The following DNAH3 variants were observed in gnomAD, a reference collection of about 807,000 sequenced individuals.
The protein encoded by DNAH3 is dynein axonemal heavy chain 3.
Under a neutral mutation model 432.5 loss-of-function variants are expected in DNAH3, and 332 were observed. That is an observed-to-expected ratio of 0.77 (90% confidence interval 0.70 to 0.84). The LOEUF (loss-of-function observed/expected upper bound fraction) is 0.84, where lower values mean the gene tolerates loss of function less well. DNAH3 is among the 40% of genes least tolerant of loss of function. The probability of loss-of-function intolerance (pLI) is 0.00; values close to 1 mark genes in which losing one functional copy is unlikely to be tolerated. For missense variants in DNAH3, 4,861 were observed against 5,114.0 expected (o/e 0.95, Z 1.51); for synonymous variants, 1,956 against 1,900.2 (o/e 1.03, Z -0.76).
intron 18 of DNAH3, among the ~76,000 whole-genome samples, chr16:21,088,027 C>A (rs991993534): frequency 6.6e-6 from 1 of 152,094 alleles, no homozygotes; most frequent in Non-Finnish European, 1.5e-5. Flanking sequence ...CCAGCCAAGA[C>A]CTTTCCATGC....
chr16:21,107,065 G>C (rs1267762892), intron 14 of DNAH3, among the ~76,000 whole-genome samples: 1 of 151,300 alleles, frequency 6.6e-6, no homozygotes, highest in African/African-American at 2.4e-5. Flanking sequence ...ATGGTATGTG[G>C]GTGTCAGAGC....
chr16:21,060,226 A>C (rs762551381), intron 26 of DNAH3, 38 bp downstream of exon 26: 1 of 1,507,728 alleles, frequency 6.6e-7, no homozygotes, highest in East Asian at 2.3e-5. Flanking sequence ...TCTTTAGTGC[A>C]CTAGTGTCCT....
chr16:20,982,475 G>C (rs565508015), intron 49 of DNAH3, among the ~76,000 whole-genome samples: 1 of 152,260 alleles, frequency 6.6e-6, no homozygotes, highest in African/African-American at 2.4e-5. Flanking sequence ...TACTGAAATA[G>C]CTATATCATT....
chr16:21,117,854 G>A (rs774522613), intron 11 of DNAH3, among the ~76,000 whole-genome samples: 2 of 152,224 alleles, frequency 1.3e-5, no homozygotes, highest in South Asian at 2.1e-4. Flanking sequence ...GAATACTATC[G>A]TAGTGCTCCC....
At chr16:21,095,921 T>C (rs1293048130) in intron 18 of DNAH3, among the ~76,000 whole-genome samples, 2 of 152,072 alleles carry the variant, frequency 1.3e-5, no homozygotes, top group African/African-American at 4.8e-5. Flanking sequence ...CACACCACCA[T>C]GCCCAGCTAA....
intron 61 of DNAH3, among the ~76,000 whole-genome samples, chr16:20,933,731 G>A (rs1405791305): frequency 6.6e-6 from 1 of 152,222 alleles, no homozygotes; most frequent in African/African-American, 2.4e-5. Flanking sequence ...GTGGGCTAGA[G>A]AATGCACTCA....
At chr16:20,944,606 G>A in exon 58 of DNAH3, 1 of 1,614,128 alleles carries the variant, frequency 6.2e-7, no homozygotes, top group African/African-American at 1.3e-5. Flanking sequence ...TTCTCATGGA[G>A]GCCGAACACT....
intron 21 of DNAH3, among the ~76,000 whole-genome samples, chr16:21,072,680 C>CT (rs2090833360): frequency 6.6e-6 from 1 of 151,942 alleles, no homozygotes; most frequent in Non-Finnish European, 1.5e-5. Context: ...GGGTCTCACT[C>CT]TGTCACCCAG....
At chr16:20,959,088 G>T (rs1028118027) in intron 54 of DNAH3, 91 bp downstream of exon 54, 2 of 1,354,564 alleles carry the variant, frequency 1.5e-6, no homozygotes, top group African/African-American at 1.4e-5. Context: ...GTTTCTAAGG[G>T]GCAGGACTGT....
At chr16:21,058,103 C>T in exon 27 of DNAH3, 1 of 1,609,530 alleles carries the variant, frequency 6.2e-7, no homozygotes, top group Non-Finnish European at 8.5e-7. Flanking sequence ...GTATTTTCCG[C>T]CAGGGCTTGG....
chr16:20,935,630 C>T lies in DNAH3; in HGVS notation c.11860-145G>A, dbSNP rs141953338. 2.4e-3 allele frequency: 2,179 copies of T among 892,134 alleles called. 32 individuals are homozygous for T. In the African/African-American group the frequency reaches 0.029, roughly 12 times the overall value. 55.3% of individuals were successfully genotyped at this position (892,134 alleles called of 1,614,324 possible). A position where few individuals can be genotyped will look rare whatever the true frequency, so the allele number is the denominator to read the frequency against. ...TCTTGGTTTAGCTTCTATCTTCCCA[C>T]TTTTGAAATAAGGGTACAAAGAAAT... On this transcript the variant is annotated intron_variant, in intron 60 of 61. Coordinates refer to ENST00000261383, the Ensembl canonical transcript of DNAH3.
chr16:21,136,587 G>A, intron 5 of DNAH3, 74 bp from the exon 7 acceptor site: 1 of 1,371,802 alleles, frequency 7.3e-7, no homozygotes, highest in Admixed American at 1.7e-5. Context: ...CCCATCAGCT[G>A]CCAAGGGACC....
At chr16:21,136,118 G>A (rs952133894) in intron 6 of DNAH3, among the ~76,000 whole-genome samples, 1 of 151,864 alleles carries the variant, frequency 6.6e-6, no homozygotes, top group Admixed American at 6.6e-5. Context: ...TGAGAAGAAA[G>A]AAGATGCCTT....
rs752427246 is a variant in DNAH3 at position 20,965,155 on chromosome 16, T to C, written c.8729A>G (p.Glu2910Gly). 34 of 1,613,940 alleles carry C rather than the reference T, an allele frequency of 2.1e-5. No homozygotes were observed. In the South Asian group the frequency reaches 3.4e-4, roughly 16 times the overall value. Residue 2910 changes from glutamate (E) to glycine (G), a missense_variant, in exon 53 of 62, where the codon GAG becomes GGG. By Grantham distance (98) the Glu-to-Gly change is moderately conservative. Transcript: ENST00000261383. ...CTGTGCAGCCAGCTTCCCCTCTGCC[T>C]CCCTCAGTCGCTCCCGTTTGGGAGC...
At chr16:21,150,238 T>TA (rs397692995) in intron 1 of DNAH3, 52 bp downstream of exon 2, 93,868 of 378,998 alleles carry the variant, frequency 0.25, 6,498 homozygotes, top group East Asian at 0.29. Context: ...AAATAAAAAA[T>TA]AAAAAAAAAA....
Position 21,020,348 on chromosome 16 carries a change from GTATA to G in DNAH3, c.5777-483_5777-480del, listed in dbSNP as rs58198093. On this transcript the variant is annotated intron_variant, in intron 40 of 61. Transcript: ENST00000261383. The stretch of plus-strand genomic sequence containing the variant: ...ACTGCTGTATAATAATATAGTGTGT[GTATA>G]TATATATATATATATAAAATCACTA... Among the ~76,000 whole-genome samples, 144 of 69,148 alleles carry G rather than the reference GTATA, an allele frequency of 2.1e-3. 5 individuals are homozygous for G. Among genetic ancestry groups the G allele is most frequent in the African/African-American group, 8.4e-3 (131 of 15,648 alleles). The allele number at this position is 69,148 out of a possible 152,430, so 45.4% of individuals were successfully genotyped here.
At chr16:21,034,253 A>G (rs1323266317) in intron 35 of DNAH3, among the ~76,000 whole-genome samples, 168 bp from the exon 36 acceptor site, 2 of 152,192 alleles carry the variant, frequency 1.3e-5, no homozygotes, top group African/African-American at 2.4e-5. Context: ...CATATCTTTC[A>G]GACGAAAAAA....
At position 21,051,793 on chromosome 16, in the gene DNAH3, C is replaced by T. The variant is rs181301553; in HGVS notation, c.4115G>A (p.Arg1372His). The change falls in exon 29 of 62, where the codon CGC (arginine) becomes CAC (histidine). Residue 1372 changes from arginine to histidine, a missense_variant. Physicochemically the swap from Arg to His is conservative, Grantham distance 29. Transcript: ENST00000261383. The stretch of plus-strand genomic sequence containing the variant: ...CACATCCTTGGCCACCCAGTAGTAG[C>T]GCAGCTGTGAGATCCATTGGAAATC... 6.7e-5 allele frequency: 108 copies of T among 1,614,072 alleles called. No individual in the cohort carries two copies. The Admixed American group carries it at 1.3e-3, about 20-fold the overall frequency.
At chr16:21,133,574 TGACTA>T (rs1051483492) in intron 7 of DNAH3, among the ~76,000 whole-genome samples, 1 of 151,552 alleles carries the variant, frequency 6.6e-6, no homozygotes, top group African/African-American at 2.4e-5. Flanking sequence ...AACCCCATCT[TGACTA>T]AAGATGCAAA....
Sources: allele counts gnomAD v4.1 joint callset (sites outside exome capture counted in the v4.1 genomes callset), GRCh38; gene constraint gnomAD v4.1.1; transcripts MANE v1.5; gene names NCBI Gene and HGNC (gene_info 2026-07-23, HGNC 2026-07-21).